The following CCND3 variants were observed in gnomAD, a reference collection of about 807,000 sequenced individuals.
CCND3 encodes the protein G1/S-specific cyclin-D3.
CCND3 carries 9 observed loss-of-function variants against 28.7 expected under a neutral mutation model. The observed-to-expected ratio is 0.31, with a 90% CI of 0.19 to 0.55. CCND3 has a LOEUF of 0.55. Ranked by LOEUF, CCND3 falls within the 20% of genes least tolerant of loss-of-function variation. The pLI, the probability that CCND3 is intolerant of heterozygous loss-of-function variation, is 0.93. For synonymous variants in CCND3, 164 were observed against 163.9 expected (o/e 1.00, Z 0.00); for missense variants, 315 against 385.8 (o/e 0.82, Z 1.54).
chr6:41,937,598 C>A, intron 2 of CCND3: 1 of 603,364 alleles, frequency 1.7e-6, no homozygotes, highest in African/African-American at 1.9e-5. Context: ...ACTTACTGAT[C>A]ATTTACTAGG....
rs781708411 is a variant in CCND3 at position 41,936,147 on chromosome 6, C to G, written c.712-40G>C. On this transcript the variant is annotated intron_variant, in intron 4 of 4. Transcript: ENST00000372991. This position sits in a 1 kb window ranked among gnomAD's most constrained non-coding sequence, Gnocchi z 4.4. ...GAAGAGTGAGGAGCAAACACTCCCC[C>G]CATAGCATCTGGCAGCAGGTGCAGG... is the stretch of plus-strand genomic sequence containing the variant. The G allele has an allele frequency of 3.3e-6, 5 of 1,529,548 alleles. No homozygotes were observed. In the South Asian group the frequency reaches 5.1e-5, roughly 16 times the overall value. The allele number at this position is 1,529,548 out of a possible 1,614,324, so 94.7% of individuals were successfully genotyped here.
At chr6:42,024,421 T>A (rs6458266) in intron 1 of CCND3, among the ~76,000 whole-genome samples, 9,453 of 118,070 alleles carry the variant, frequency 0.08, 565 homozygotes, top group African/African-American at 0.16. Flanking sequence ...AAAATAATAA[T>A]AATTCACCCT....
At chr6:41,964,447 T>C (rs562753372) in intron 1 of CCND3, among the ~76,000 whole-genome samples, 1 of 133,556 alleles carries the variant, frequency 7.5e-6, no homozygotes, top group East Asian at 2.1e-4. Context: ...TGTGTGAATG[T>C]GTGAGTCTGT....
intron 1 of CCND3, among the ~76,000 whole-genome samples, chr6:41,955,487 T>C (rs1776413895): frequency 6.6e-6 from 1 of 150,958 alleles, no homozygotes; most frequent in Admixed American, 6.6e-5. Flanking sequence ...AAGTGTTTGA[T>C]AAAAGTCAAC....
At chr6:41,991,181 C>A (rs968042933) in intron 1 of CCND3, among the ~76,000 whole-genome samples, 7 of 152,058 alleles carry the variant, frequency 4.6e-5, no homozygotes, top group African/African-American at 1.7e-4. Flanking sequence ...GCCTCAGCCT[C>A]CCAAGTAGCT....
chr6:42,001,467 T>C (rs574254550), intron 1 of CCND3, among the ~76,000 whole-genome samples: 1 of 152,240 alleles, frequency 6.6e-6, no homozygotes, highest in Admixed American at 6.5e-5. Flanking sequence ...ATATACTAAG[T>C]GAAAGAAGCC....
chr6:41,973,428 C>T (rs999165433), intron 1 of CCND3, among the ~76,000 whole-genome samples: 1 of 152,144 alleles, frequency 6.6e-6, no homozygotes, highest in African/African-American at 2.4e-5. Context: ...ATAGAGGACT[C>T]ATTAAATAAT....
upstream of CCND3, among the ~76,000 whole-genome samples, chr6:41,945,448 A>C (rs570239502): frequency 6.6e-6 from 1 of 152,332 alleles, no homozygotes; most frequent in East Asian, 1.9e-4. Context: ...CTGGAGCCAG[A>C]GGCTGCAGTG....
At chr6:41,964,672 GT>G (rs35137417) in intron 1 of CCND3, among the ~76,000 whole-genome samples, 2,051 of 152,278 alleles carry the variant, frequency 0.013, 28 homozygotes, top group Middle Eastern at 0.048. Context: ...GACCCAGCAG[GT>G]TGGGTGCATG....
intron 1 of CCND3, among the ~76,000 whole-genome samples, chr6:41,970,063 A>G (rs960357887): frequency 6.6e-6 from 1 of 152,080 alleles, no homozygotes; most frequent in African/African-American, 2.4e-5. Flanking sequence ...AAAATAGGCC[A>G]GGCGCGGTGG....
upstream of CCND3, among the ~76,000 whole-genome samples, chr6:41,944,351 C>T (rs527667918): frequency 2.0e-5 from 3 of 149,220 alleles, no homozygotes; most frequent in South Asian, 2.2e-4. Context: ...AATTTTAGTT[C>T]ATTGTTTTTA....
chr6:41,979,148 G>GTGA (rs1762260890), intron 1 of CCND3, among the ~76,000 whole-genome samples: 1 of 109,342 alleles, frequency 9.1e-6, no homozygotes, highest in Admixed American at 1.2e-4. Flanking sequence ...TTCAGCCTGG[G>GTGA]CAGTAAGAGC....
chr6:42,034,397 C>T (rs1764136614), intron 1 of CCND3, among the ~76,000 whole-genome samples: 1 of 151,688 alleles, frequency 6.6e-6, no homozygotes, highest in Admixed American at 6.6e-5. Flanking sequence ...ATCCACCCGC[C>T]CTGGCCTCCC....
intron 1 of CCND3, among the ~76,000 whole-genome samples, chr6:42,014,695 G>T (rs957473640): frequency 2.6e-5 from 4 of 152,138 alleles, no homozygotes; most frequent in Non-Finnish European, 5.9e-5. Context: ...GGCTGAGGTT[G>T]GGGGATGGCC....
At chr6:41,943,494 T>C (rs919022641), upstream of CCND3, among the ~76,000 whole-genome samples, 4 of 152,238 alleles carry the variant, frequency 2.6e-5, no homozygotes, top group Admixed American at 2.0e-4. Flanking sequence ...ATGTACAAAA[T>C]GTATTTTGGC....
At chr6:41,983,269 T>C (rs1259532316) in intron 1 of CCND3, among the ~76,000 whole-genome samples, 2 of 150,910 alleles carry the variant, frequency 1.3e-5, no homozygotes, top group Non-Finnish European at 2.9e-5. Context: ...TCCCAGCTAC[T>C]CGGGAGGCTG....
intron 1 of CCND3, among the ~76,000 whole-genome samples, chr6:42,027,490 T>C (rs1763912978): frequency 1.3e-5 from 2 of 151,296 alleles, no homozygotes; most frequent in African/African-American, 2.4e-5. Flanking sequence ...TAATGCCAAA[T>C]GAGGTTGGAG....
chr6:41,981,141 A>AG (rs1037190816), intron 1 of CCND3, among the ~76,000 whole-genome samples: 44 of 151,790 alleles, frequency 2.9e-4, no homozygotes, highest in Admixed American at 8.5e-4. Flanking sequence ...AATTGACAAA[A>AG]AAATCCTTCT....
At chr6:41,940,715 A>T in intron 1 of CCND3, 130 bp from the exon 2 acceptor site, 1 of 760,808 alleles carries the variant, frequency 1.3e-6, no homozygotes, top group East Asian at 2.6e-5. Flanking sequence ...TAGAGAGACA[A>T]GGACCAATAA....
Sources: gnomAD v4.1 joint callset for allele counts (sites outside exome capture counted in the v4.1 genomes callset) on GRCh38, gnomAD v4.1.1 for gene constraint, Gnocchi (gnomAD v3.1) non-coding constraint, MANE v1.5 for transcripts, NCBI Gene and HGNC (gene_info 2026-07-23, HGNC 2026-07-21) for gene names.